SGK1: variants seen among roughly 807,000 people sequenced by gnomAD.
SGK1 encodes serine/threonine-protein kinase Sgk1.
Under a neutral mutation model 64.2 loss-of-function variants are expected in SGK1, and 26 were observed. The observed-to-expected ratio is 0.40, with a 90% confidence interval of 0.30 to 0.56. The LOEUF (loss-of-function observed/expected upper bound fraction) is 0.56. Ranked by LOEUF, SGK1 falls within the 20% of genes least tolerant of loss-of-function variation. The pLI is 0.38. For missense variants in SGK1, 519 were observed against 645.6 expected, an observed-to-expected ratio of 0.80 and a Z score of 2.12; for synonymous variants, 265 against 239.7, an observed-to-expected ratio of 1.11 and a Z score of -0.98.
At chr6:134,264,750 C>T (rs1776825341) in intron 1 of SGK1, among the ~76,000 whole-genome samples, 1 of 152,038 alleles carries the variant, frequency 6.6e-6, no homozygotes. Flanking sequence ...TCAAGCGATC[C>T]TCCCACCTCA....
At chr6:134,170,716 T>G in intron 13 of SGK1, 110 bp downstream of exon 13, 1 of 801,050 alleles carries the variant, frequency 1.2e-6, no homozygotes. Context: ...AACAGGTTTA[T>G]GGAGAAAACA....
chr6:134,198,724 C>CTCTTTTTTTTTTTT (rs1459010325), intron 3 of SGK1, among the ~76,000 whole-genome samples: 5 of 65,934 alleles, frequency 7.6e-5, no homozygotes, highest in Non-Finnish European at 1.4e-4. Flanking sequence ...TTCTCTTTTT[C>CTCTTTTTTTTTTTT]TATTTTTTTT....
At chr6:134,193,984 T>A (rs1775558407) in intron 3 of SGK1, among the ~76,000 whole-genome samples, 1 of 151,934 alleles carries the variant, frequency 6.6e-6, no homozygotes, top group African/African-American at 2.4e-5. Context: ...CGTCCCATCC[T>A]CAAGGCACAC....
chr6:134,220,906 C>T (rs981883848), intron 2 of SGK1, among the ~76,000 whole-genome samples: 1 of 150,692 alleles, frequency 6.6e-6, no homozygotes, highest in Non-Finnish European at 1.5e-5. Context: ...CACTTGAACC[C>T]GGGAGGCAGA....
chr6:134,197,258 CA>C (rs1397211855), intron 3 of SGK1, among the ~76,000 whole-genome samples: 1 of 152,058 alleles, frequency 6.6e-6, no homozygotes, highest in Non-Finnish European at 1.5e-5. Flanking sequence ...GCAACAGCAA[CA>C]AAAACCCTAA....
rs138125498 is a variant in SGK1, at chr6:134,286,567, A to C, written c.70-24419T>G. On this transcript the variant is annotated intron_variant, in intron 1 of 13. Transcript: ENST00000367858. ...CTGCAAGCTCCGCCTCCCGGGTTCA[A>C]GCCATTCTCCTGCCTCAGCCTCCAG... Among the ~76,000 whole-genome samples, 582 of 151,346 alleles carry C rather than the reference A, an allele frequency of 3.8e-3. 5 individuals carry two copies. The highest frequency in any genetic ancestry group is 0.011 in the African/African-American group (439 of 41,218).
intron 3 of SGK1, among the ~76,000 whole-genome samples, chr6:134,197,225 C>T (rs752498370): frequency 2.0e-5 from 3 of 152,008 alleles, no homozygotes; most frequent in Non-Finnish European, 4.4e-5. Context: ...AAAATAAGAC[C>T]CTGTCTCAAA....
intron 1 of SGK1, among the ~76,000 whole-genome samples, chr6:134,301,257 G>A (rs1239431667): frequency 6.6e-6 from 1 of 152,150 alleles, no homozygotes; most frequent in Non-Finnish European, 1.5e-5. Flanking sequence ...GTGTGGAGGA[G>A]GAGGGAGAGT....
chr6:134,192,995 AAAT>A (rs1775539094), intron 3 of SGK1, among the ~76,000 whole-genome samples: 1 of 152,256 alleles, frequency 6.6e-6, no homozygotes, highest in Admixed American at 6.5e-5. Flanking sequence ...TAAAGTCATA[AAAT>A]AATTTTTCTT....
chr6:134,316,770 A>T (rs1346738579), intron 1 of SGK1, among the ~76,000 whole-genome samples: 1 of 141,770 alleles, frequency 7.1e-6, no homozygotes, highest in African/African-American at 2.6e-5. Flanking sequence ...AAAAAAAAAA[A>T]AAGGCAGTTA....
chr6:134,208,459 G>A (rs145902239), intron 2 of SGK1, among the ~76,000 whole-genome samples: 21 of 151,908 alleles, frequency 1.4e-4, no homozygotes, highest in Non-Finnish European at 3.1e-4. Flanking sequence ...GGTAATCTCC[G>A]AGATTTTGGT....
chr6:134,262,785 T>C (rs1412974270), intron 1 of SGK1, among the ~76,000 whole-genome samples: 2 of 151,856 alleles, frequency 1.3e-5, no homozygotes, highest in Non-Finnish European at 2.9e-5. Context: ...ATGGTTTATA[T>C]CTAAATAGCA....
In SGK1 at chr6:134,199,045, C is replaced by A. The variant is rs993461616; in HGVS notation, c.361+8311G>T. Among the ~76,000 whole-genome samples, 9 of 152,138 alleles carry A rather than the reference C, an allele frequency of 5.9e-5. No individual in the cohort carries two copies. The South Asian group carries it at 1.9e-3, about 32-fold the overall frequency. Reference sequence around the variant, plus strand: ...GGACCATACGTGCAAGCCACCACACCCAGCTTGAGCTGATTTTTTTAATGT... The same window carrying A: ...GGACCATACGTGCAAGCCACCACACACAGCTTGAGCTGATTTTTTTAATGT... On this transcript the variant is annotated intron_variant, in intron 3 of 13. Transcript: ENST00000367858.
intron 1 of SGK1, among the ~76,000 whole-genome samples, chr6:134,282,658 A>AT (rs1037838620): frequency 2.6e-5 from 4 of 151,548 alleles, no homozygotes; most frequent in African/African-American, 7.3e-5. Flanking sequence ...ATCTCAAAAA[A>AT]AAAAATAAAA....
At chr6:134,241,546 G>A (rs1776446612) in intron 2 of SGK1, among the ~76,000 whole-genome samples, 2 of 151,996 alleles carry the variant, frequency 1.3e-5, no homozygotes, top group African/African-American at 4.8e-5. Flanking sequence ...ATTTGTAAGA[G>A]TGCACACCCA....
Position 134,173,183 on chromosome 6 carries a change from G to C in SGK1, c.703-29C>G, listed in dbSNP as rs867635396. On this transcript the variant is annotated intron_variant, in intron 7 of 13. Transcript: ENST00000367858. ...GGAAAATGACGATTCAGATTTAGTG[G>C]CATGTTTCAACTTGGCACCAACATT... 1.9e-5 allele frequency: 31 copies of C among 1,610,586 alleles called. 1 individual carries two copies. The highest frequency in any genetic ancestry group is 2.7e-5 in the African/African-American group (2 of 74,980).
intron 3 of SGK1, among the ~76,000 whole-genome samples, chr6:134,204,593 G>C (rs1419802345): frequency 9.5e-6 from 1 of 105,456 alleles, no homozygotes; most frequent in South Asian, 2.8e-4. Context: ...CACTCTTTTT[G>C]CCCAGGCTGG....
chr6:134,257,554 T>C (rs1776703924), intron 2 of SGK1, among the ~76,000 whole-genome samples: 1 of 152,248 alleles, frequency 6.6e-6, no homozygotes. Flanking sequence ...TTAATTTTAT[T>C]GTACTTTTCC....
chr6:134,255,229 A>G (rs1351649596), intron 2 of SGK1, among the ~76,000 whole-genome samples: 1 of 152,180 alleles, frequency 6.6e-6, no homozygotes, highest in Non-Finnish European at 1.5e-5. Context: ...GTCATAATTA[A>G]TAATGCTCTA....
Sources: gnomAD v4.1 joint callset for allele counts (sites outside exome capture counted in the v4.1 genomes callset) on GRCh38, gnomAD v4.1.1 for gene constraint, MANE v1.5 for transcripts, NCBI Gene and HGNC (gene_info 2026-07-23, HGNC 2026-07-21) for gene names.